The following INTS9 variants were observed in gnomAD, a reference collection of about 807,000 sequenced individuals.
INTS9 encodes integrator complex subunit 9, also known as protein related to CPSF subunits of 74 kDa.
A neutral mutation model predicts 79.7 loss-of-function variants in INTS9; 55 were observed. The ratio of observed to expected loss-of-function variants is 0.69; its 90% CI spans 0.56 to 0.86. The LOEUF is 0.86. Ranked by LOEUF, INTS9 falls within the 40% of genes least tolerant of loss-of-function variation. The pLI is 0.00. For missense variants in INTS9, 721 were observed against 831.5 expected (o/e 0.87, Z 1.64); for synonymous variants, 319 against 325.2 (o/e 0.98, Z 0.20).
intron 1 of INTS9, among the ~76,000 whole-genome samples, chr8:28,873,626 C>T (rs1210463175): frequency 6.6e-6 from 1 of 152,142 alleles, no homozygotes; most frequent in African/African-American, 2.4e-5. Context: ...TAATTTTGAT[C>T]ATGAATACAT....
chr8:28,815,993 T>A (rs1472377321), intron 6 of INTS9, among the ~76,000 whole-genome samples: 1 of 152,042 alleles, frequency 6.6e-6, no homozygotes, highest in Non-Finnish European at 1.5e-5. Flanking sequence ...AACAAGTGAC[T>A]TACAAGGAAA....
chr8:28,853,886 T>A (rs1245421405), intron 2 of INTS9, among the ~76,000 whole-genome samples: 1 of 151,502 alleles, frequency 6.6e-6, no homozygotes, highest in Non-Finnish European at 1.5e-5. Flanking sequence ...GCTCGGCTAA[T>A]TTTTTGTATT....
intron 2 of INTS9, among the ~76,000 whole-genome samples, chr8:28,854,012 C>T (rs2089767): frequency 0.43 from 65,557 of 152,016 alleles, 15,579 homozygotes; most frequent in Non-Finnish European, 0.54. Context: ...TAAGCCACCG[C>T]GCCTGGCCCA....
intron 8 of INTS9, chr8:28,799,425 G>A (rs1488177331): frequency 1.3e-5 from 2 of 152,194 alleles, no homozygotes; most frequent in African/African-American, 2.4e-5. Flanking sequence ...GCTACAGTAC[G>A]AATGTCGAAT....
At chr8:28,832,992 CCTAT>C (rs944841062) in intron 6 of INTS9, among the ~76,000 whole-genome samples, 1 of 151,882 alleles carries the variant, frequency 6.6e-6, no homozygotes, top group Admixed American at 6.6e-5. Flanking sequence ...CCACTACCTA[CCTAT>C]CTACCTATTT....
At position 28,808,480 on chromosome 8, in the gene INTS9, G is replaced by A. The variant is rs143236186; in HGVS notation, c.744+3847C>T. 1.5e-3 allele frequency among the ~76,000 whole-genome samples: 222 copies of A among 152,230 alleles called. 3 individuals carry two copies. The East Asian group carries it at 0.037, about 25-fold the overall frequency. ...ATTACAGGTGTGTGCCACCGTGCCC[G>A]GTTAGATTTTTAAAACGTGACAACT... is the stretch of plus-strand genomic sequence containing the variant. On this transcript the variant is annotated intron_variant, in intron 8 of 16. Coordinates refer to ENST00000521022, the MANE Select transcript of INTS9 (RefSeq NM_018250.4).
chr8:28,839,089 G>A (rs1407671512), intron 4 of INTS9, among the ~76,000 whole-genome samples: 2 of 152,122 alleles, frequency 1.3e-5, no homozygotes, highest in African/African-American at 4.8e-5. Context: ...AAAAGCAAGT[G>A]ACTCGGTTAA....
At chr8:28,792,963 C>T (rs758173409) in intron 10 of INTS9, among the ~76,000 whole-genome samples, 10 of 149,672 alleles carry the variant, frequency 6.7e-5, no homozygotes, top group South Asian at 4.2e-4. Context: ...GGGATAGAGA[C>T]GCCTGTATGA....
intron 1 of INTS9, among the ~76,000 whole-genome samples, chr8:28,863,303 G>C (rs1316578998): frequency 6.6e-6 from 1 of 152,044 alleles, no homozygotes; most frequent in African/African-American, 2.4e-5. Flanking sequence ...ATGCTTTCAT[G>C]TTCATTTTAT....
At chr8:28,876,878 T>C (rs956728018) in intron 1 of INTS9, among the ~76,000 whole-genome samples, 4 of 152,044 alleles carry the variant, frequency 2.6e-5, no homozygotes, top group Non-Finnish European at 5.9e-5. Flanking sequence ...GATACAGATT[T>C]AACAATAAAT....
chr8:28,808,638 T>C (rs1804943885), intron 8 of INTS9, among the ~76,000 whole-genome samples: 1 of 152,206 alleles, frequency 6.6e-6, no homozygotes, highest in South Asian at 2.1e-4. Context: ...CTGCCAACTC[T>C]TCCTTGTTAA....
rs772970069 is a variant in INTS9, at chr8:28,835,366, T to C, written c.414A>G (p.Glu138=). ...PTVQIGRLLM[E]ELVNFIERVP... Reference sequence around the variant, plus strand: ...CTCTTTCAATGAAATTCACCAGCTCTTCCATGAGAAGCCTGAGTTTAAACA... The same window carrying C: ...CTCTTTCAATGAAATTCACCAGCTCCTCCATGAGAAGCCTGAGTTTAAACA... Residue 138 remains glutamate, a synonymous_variant, in exon 6 of 17, where the codon GAA becomes GAG. Transcript: ENST00000521022. 1.2e-6 allele frequency: 2 copies of C among 1,612,256 alleles called. No homozygotes were observed. The highest frequency in any genetic ancestry group is 2.2e-5 in the East Asian group (1 of 44,842).
intron 1 of INTS9, among the ~76,000 whole-genome samples, chr8:28,880,978 C>G (rs1272514179): frequency 6.6e-6 from 1 of 151,032 alleles, no homozygotes; most frequent in African/African-American, 2.4e-5. Flanking sequence ...AGCGTCTCTG[C>G]CCGGCCGCTC....
At chr8:28,780,414 C>T in intron 12 of INTS9, 1 of 985,208 alleles carries the variant, frequency 1.0e-6, no homozygotes, top group Non-Finnish European at 1.2e-6. Flanking sequence ...GAATTTTTTC[C>T]CCTGAGGGAT....
At chr8:28,866,077 AGT>A in intron 1 of INTS9, among the ~76,000 whole-genome samples, 1 of 152,014 alleles carries the variant, frequency 6.6e-6, no homozygotes, top group African/African-American at 2.4e-5. Context: ...TTTTCTTCCT[AGT>A]GACTATGTTT....
chr8:28,820,042 G>T (rs897445404), intron 6 of INTS9, among the ~76,000 whole-genome samples: 1 of 152,134 alleles, frequency 6.6e-6, no homozygotes, highest in Non-Finnish European at 1.5e-5. Flanking sequence ...GAGCCTATGT[G>T]TGTCTCTGCA....
intron 9 of INTS9, 102 bp from the exon 10 acceptor site, chr8:28,794,089 G>C: frequency 1.0e-6 from 1 of 965,284 alleles, no homozygotes; most frequent in Non-Finnish European, 1.5e-6. Context: ...TCCTACTTCT[G>C]TTTTTATGAT....
intron 6 of INTS9, among the ~76,000 whole-genome samples, chr8:28,817,961 T>C (rs1277238557): frequency 1.3e-5 from 2 of 149,624 alleles, no homozygotes; most frequent in African/African-American, 2.5e-5. Context: ...TTGTCTGTTA[T>C]TGGTGTATAA....
At chr8:28,871,500 G>A (rs938537611) in intron 1 of INTS9, among the ~76,000 whole-genome samples, 3 of 151,982 alleles carry the variant, frequency 2.0e-5, no homozygotes, top group Non-Finnish European at 4.4e-5. Context: ...AACCTTCTGG[G>A]CTCAAGCAAT....
Sources: allele counts gnomAD v4.1 joint callset (sites outside exome capture counted in the v4.1 genomes callset), GRCh38; gene constraint gnomAD v4.1.1; transcripts MANE v1.5; gene names NCBI Gene and HGNC (gene_info 2026-07-23, HGNC 2026-07-21).